The following MNAT1 variants were observed in gnomAD, a reference collection of about 807,000 sequenced individuals.
The protein encoded by MNAT1 is MNAT1 component of CDK activating kinase.
MNAT1 carries 43 observed loss-of-function variants against 42.0 expected under a neutral mutation model. The observed-to-expected ratio is 1.02, with a 90% confidence interval of 0.80 to 1.32. The LOEUF (loss-of-function observed/expected upper bound fraction) is 1.32. Among genes scored for constraint, MNAT1 ranks in the 40% most tolerant of loss-of-function variants. The pLI is 0.00. For synonymous variants in MNAT1, 118 were observed against 120.0 expected (o/e 0.98, Z 0.11); for missense variants, 306 against 350.4 (o/e 0.87, Z 1.01).
chr14:60,925,339 G>A (rs543189781), intron 7 of MNAT1, among the ~76,000 whole-genome samples: 1 of 152,282 alleles, frequency 6.6e-6, no homozygotes, highest in African/African-American at 2.4e-5. Flanking sequence ...TTAAGCATCT[G>A]CAGATTTTGG....
At chr14:60,966,268 T>C (rs1382365949) in intron 7 of MNAT1, among the ~76,000 whole-genome samples, 6 of 151,902 alleles carry the variant, frequency 3.9e-5, no homozygotes. Context: ...TACAGGCACC[T>C]GCCACTGTGC....
chr14:60,951,939 T>G (rs931532134), intron 7 of MNAT1, among the ~76,000 whole-genome samples: 1 of 152,174 alleles, frequency 6.6e-6, no homozygotes, highest in African/African-American at 2.4e-5. Flanking sequence ...GGAGCAGGCT[T>G]GGGTAGTCTC....
chr14:60,917,950 C>G (rs1424579938), intron 7 of MNAT1, among the ~76,000 whole-genome samples: 1 of 151,928 alleles, frequency 6.6e-6, no homozygotes, highest in African/African-American at 2.4e-5. Flanking sequence ...TCTTCTGGTT[C>G]CACTTGCATT....
rs1468524193 is a variant in MNAT1, at chr14:60,794,652, A to T, written c.90-1565A>T. On this transcript the variant is annotated intron_variant, in intron 1 of 7. Coordinates refer to ENST00000261245, the MANE Select transcript of MNAT1 (RefSeq NM_002431.4). ...CTGCATTCTCAAAAAAAAAAAAAAAAAAAAAAAAATATATATATATATATA... is the reference window on the plus strand; with the variant it reads ...CTGCATTCTCAAAAAAAAAAAAAAATAAAAAAAAATATATATATATATATA... Among the ~76,000 whole-genome samples the T allele has an allele frequency of 8.4e-3, 816 of 96,772 alleles. 5 individuals are homozygous for T. Among genetic ancestry groups the T allele is most frequent in the South Asian group, 0.031 (96 of 3,112 alleles). 63.5% of individuals were successfully genotyped at this position (96,772 alleles called of 152,430 possible). A position where few individuals can be genotyped will look rare whatever the true frequency, so the allele number is the denominator to read the frequency against.
At chr14:60,759,307 C>T (rs926502812) in intron 1 of MNAT1, among the ~76,000 whole-genome samples, 1 of 152,188 alleles carries the variant, frequency 6.6e-6, no homozygotes, top group Non-Finnish European at 1.5e-5. Context: ...TTCTCTCTCT[C>T]CTCAGCTTCC....
intron 7 of MNAT1, among the ~76,000 whole-genome samples, chr14:60,913,540 C>T (rs1248670650): frequency 6.6e-6 from 1 of 152,138 alleles, no homozygotes; most frequent in Non-Finnish European, 1.5e-5. Context: ...AGTTTTCCTT[C>T]TAACAGTCAG....
At position 60,918,198 on chromosome 14, in the gene MNAT1, C is replaced by CTTTTTTT. The variant is rs386381525; in HGVS notation, c.809+38385_809+38391dup. Among the ~76,000 whole-genome samples the CTTTTTTT allele has an allele frequency of 8.3e-3, 403 of 48,628 alleles. 108 individuals are homozygous for CTTTTTTT. The highest frequency in any genetic ancestry group is 0.011 in the Non-Finnish European group (278 of 25,342). The allele number at this position is 48,628 out of a possible 152,430, so 31.9% of individuals were successfully genotyped here. A position where few individuals can be genotyped will look rare whatever the true frequency, so the allele number is the denominator to read the frequency against. ...AGAAGGATCAATCCAATTAATTGTTCTTTTTTTTTTTTTTTTTTTTTTTTT... is the reference window on the plus strand; with the variant it reads ...AGAAGGATCAATCCAATTAATTGTTCTTTTTTTTTTTTTTTTTTTTTTTTTTTTTTTT... On this transcript the variant is annotated intron_variant, in intron 7 of 7. Transcript: ENST00000261245.
chr14:60,869,713 G>A (rs1032400582), intron 6 of MNAT1, among the ~76,000 whole-genome samples: 2 of 152,006 alleles, frequency 1.3e-5, no homozygotes, highest in South Asian at 2.1e-4. Context: ...ATACTGATTG[G>A]TATAGAACTG....
chr14:60,925,105 C>G (rs894199496), intron 7 of MNAT1, among the ~76,000 whole-genome samples: 7 of 152,102 alleles, frequency 4.6e-5, no homozygotes, highest in Non-Finnish European at 1.0e-4. Flanking sequence ...AATAGTTGGG[C>G]CTACATTGAA....
At chr14:60,868,480 C>T (rs1213820693) in intron 6 of MNAT1, among the ~76,000 whole-genome samples, 1 of 152,140 alleles carries the variant, frequency 6.6e-6, no homozygotes, top group East Asian at 1.9e-4. Context: ...ACAGATTTAA[C>T]ATTGTGAGAG....
chr14:60,914,628 T>G (rs1449257383), intron 7 of MNAT1, among the ~76,000 whole-genome samples: 1 of 152,180 alleles, frequency 6.6e-6, no homozygotes, highest in Non-Finnish European at 1.5e-5. Flanking sequence ...ACTCTGGGGA[T>G]GGACTTCTGT....
At chr14:60,776,211 A>G (rs2031243207) in intron 1 of MNAT1, among the ~76,000 whole-genome samples, 2 of 152,238 alleles carry the variant, frequency 1.3e-5, no homozygotes, top group East Asian at 3.9e-4. Context: ...AATAGGGAAA[A>G]GTAGTAGTGT....
chr14:60,910,489 G>C (rs977969966), intron 7 of MNAT1, among the ~76,000 whole-genome samples: 1 of 152,128 alleles, frequency 6.6e-6, no homozygotes, highest in Non-Finnish European at 1.5e-5. Flanking sequence ...ATTATTTTGA[G>C]ATATGTCCCA....
At position 60,938,664 on chromosome 14, in the gene MNAT1, G is replaced by A. The variant is rs778462841; in HGVS notation, c.810-29565G>A. Among the ~76,000 whole-genome samples the A allele has an allele frequency of 8.9e-4, 136 of 152,286 alleles. 1 individual carries two copies. The highest frequency in any genetic ancestry group is 1.6e-3 in the Non-Finnish European group (110 of 68,030). ...TTTTTTTGAGAATTTTTGTATCAAT[G>A]TTCATCAGGGATATTGGTCTAAAAT... On this transcript the variant is annotated intron_variant, in intron 7 of 7. Transcript: ENST00000261245.
rs118177635 is a variant in MNAT1, at chr14:60,801,805, C to G, written c.316+3645C>G. 4.9e-4 allele frequency among the ~76,000 whole-genome samples: 75 copies of G among 152,224 alleles called. No individual in the cohort carries two copies. The East Asian group carries it at 0.014, about 27-fold the overall frequency. On this transcript the variant is annotated intron_variant, in intron 3 of 7. Transcript: ENST00000261245. ...ACTAAAAACAGAACTACCATATGAT[C>G]CAGTAATCCCACTTCTGGGTCTATA...
At chr14:60,827,169 G>A (rs2033079533) in intron 6 of MNAT1, among the ~76,000 whole-genome samples, 1 of 152,080 alleles carries the variant, frequency 6.6e-6, no homozygotes, top group East Asian at 1.9e-4. Flanking sequence ...AAAGATAAAA[G>A]TACTTAAAAA....
At chr14:60,774,027 A>C (rs2031160984) in intron 1 of MNAT1, among the ~76,000 whole-genome samples, 1 of 152,222 alleles carries the variant, frequency 6.6e-6, no homozygotes, top group African/African-American at 2.4e-5. Flanking sequence ...ATAATTAGCT[A>C]TGAGAGAAAA....
At chr14:60,758,422 C>T (rs1594729686) in intron 1 of MNAT1, among the ~76,000 whole-genome samples, 1 of 151,842 alleles carries the variant, frequency 6.6e-6, no homozygotes, top group Non-Finnish European at 1.5e-5. Context: ...AGGTTGGTCT[C>T]GAACTCCTGG....
intron 7 of MNAT1, among the ~76,000 whole-genome samples, chr14:60,959,927 T>C (rs914953119): frequency 6.7e-6 from 1 of 150,024 alleles, no homozygotes; most frequent in Non-Finnish European, 1.5e-5. Flanking sequence ...TATGTTTTTT[T>C]TTTTTTTTTT....
Sources: allele counts gnomAD v4.1 joint callset (sites outside exome capture counted in the v4.1 genomes callset), GRCh38; gene constraint gnomAD v4.1.1; transcripts MANE v1.5; gene names NCBI Gene and HGNC (gene_info 2026-07-23, HGNC 2026-07-21).